The following ZNF804B variants were observed in gnomAD, a reference collection of about 807,000 sequenced individuals.
ZNF804B encodes the protein zinc finger 804B.
ZNF804B carries 80 observed loss-of-function variants against 101.4 expected under a neutral mutation model. The observed-to-expected ratio is 0.79, with a 90% confidence interval of 0.66 to 0.95. The LOEUF is 0.95. Among genes scored for constraint, ZNF804B ranks in the 40% least tolerant of loss-of-function variants. The probability of loss-of-function intolerance (pLI) is 0.00; values close to 1 mark genes in which losing one functional copy is unlikely to be tolerated. For synonymous variants in ZNF804B, 622 were observed against 558.8 expected (o/e 1.11, Z -1.59); for missense variants, 1,673 against 1,561.9 (o/e 1.07, Z -1.20).
At chr7:89,019,948 G>A (rs1788637876) in intron 1 of ZNF804B, among the ~76,000 whole-genome samples, 2 of 149,802 alleles carry the variant, frequency 1.3e-5, no homozygotes, top group Admixed American at 1.3e-4. Context: ...TTATACCCAA[G>A]GATATTATTA....
intron 2 of ZNF804B, among the ~76,000 whole-genome samples, chr7:89,302,658 C>G (rs901703721): frequency 6.6e-6 from 1 of 151,922 alleles, no homozygotes; most frequent in African/African-American, 2.4e-5. Flanking sequence ...TGCAATCTAG[C>G]TACACTTCCT....
chr7:89,240,403 GT>G (rs1554382831), intron 2 of ZNF804B, among the ~76,000 whole-genome samples: 17 of 151,300 alleles, frequency 1.1e-4, no homozygotes, highest in Middle Eastern at 3.5e-3. Context: ...TGAGGTGAAA[GT>G]TTTTTTTTCT....
intron 1 of ZNF804B, among the ~76,000 whole-genome samples, chr7:88,834,679 T>TA (rs2115791098): frequency 1.4e-5 from 2 of 143,512 alleles, no homozygotes; most frequent in East Asian, 2.2e-4. Context: ...ATATATATAT[T>TA]ATATCCCAAT....
At chr7:88,760,159 T>G in intron 1 of ZNF804B, 75 bp downstream of exon 1, 4 of 1,216,670 alleles carry the variant, frequency 3.3e-6, no homozygotes, top group Non-Finnish European at 4.9e-6. Flanking sequence ...TGAGAGATAG[T>G]ATCCTGATAC....
At chr7:89,273,497 T>C (rs1789930233) in intron 2 of ZNF804B, among the ~76,000 whole-genome samples, 1 of 152,132 alleles carries the variant, frequency 6.6e-6, no homozygotes, top group Non-Finnish European at 1.5e-5. Context: ...AATATTAAAA[T>C]TTTATTCAGT....
At chr7:89,160,074 TA>T (rs1791036292) in intron 1 of ZNF804B, among the ~76,000 whole-genome samples, 1 of 152,164 alleles carries the variant, frequency 6.6e-6, no homozygotes, top group African/African-American at 2.4e-5. Flanking sequence ...ACTTGAACAA[TA>T]GTAATTCCAA....
In ZNF804B at chr7:89,142,967, G is replaced by A. The variant is rs533348967; in HGVS notation, c.109-75188G>A. On this transcript the variant is annotated intron_variant, in intron 1 of 3. Transcript: ENST00000333190. ...ACTGTAATATACTCTCAGAGGGAGA[G>A]CAGACCTATTTCTGTGAAGTGAAAT... Among the ~76,000 whole-genome samples the A allele has an allele frequency of 3.9e-5, 6 of 152,078 alleles. No individual in the cohort carries two copies. In the South Asian group the frequency reaches 1.2e-3, roughly 31 times the overall value.
chr7:89,188,113 A>G (rs1259879701), intron 1 of ZNF804B, among the ~76,000 whole-genome samples: 1 of 151,844 alleles, frequency 6.6e-6, no homozygotes, highest in Non-Finnish European at 1.5e-5. Context: ...GCAATGCCGC[A>G]TCAAACAAGT....
At chr7:89,101,384 T>A (rs1474792460) in intron 1 of ZNF804B, among the ~76,000 whole-genome samples, 1 of 152,000 alleles carries the variant, frequency 6.6e-6, no homozygotes, top group South Asian at 2.1e-4. Context: ...ACTCTCAAAG[T>A]GATATTCTCT....
Position 89,049,989 on chromosome 7 carries a change from A to G in ZNF804B, c.109-168166A>G, listed in dbSNP as rs568915381. Among the ~76,000 whole-genome samples, 19 of 152,258 alleles carry G rather than the reference A, an allele frequency of 1.2e-4. No homozygotes were observed. In the East Asian group the frequency reaches 1.6e-3, roughly 12 times the overall value. ...ATCATGCCACTGCACTCCAGACTGG[A>G]TGGCAGAGTAAAACTCTGTCTCAAA... On this transcript the variant is annotated intron_variant, in intron 1 of 3. Transcript: ENST00000333190.
intron 1 of ZNF804B, among the ~76,000 whole-genome samples, chr7:88,774,022 A>T (rs558379521): frequency 1.3e-5 from 2 of 152,188 alleles, no homozygotes; most frequent in South Asian, 4.2e-4. Context: ...TAAAACAGAA[A>T]AAAGAAAAAA....
At chr7:88,888,341 G>A (rs1366632699) in intron 1 of ZNF804B, among the ~76,000 whole-genome samples, 4 of 152,090 alleles carry the variant, frequency 2.6e-5, no homozygotes, top group Admixed American at 2.0e-4. Flanking sequence ...GCAGTGAGCC[G>A]AGACCATGGC....
intron 1 of ZNF804B, among the ~76,000 whole-genome samples, chr7:88,791,076 A>T (rs1184729020): frequency 6.6e-6 from 1 of 152,140 alleles, no homozygotes; most frequent in Non-Finnish European, 1.5e-5. Flanking sequence ...GAGAGTGAGT[A>T]TAAATTAAAA....
chr7:89,171,313 C>A (rs1235488408), intron 1 of ZNF804B, among the ~76,000 whole-genome samples: 3 of 118,752 alleles, frequency 2.5e-5, no homozygotes, highest in Non-Finnish European at 5.5e-5. Flanking sequence ...TCTTCTTCTT[C>A]TTCTTCTTCT....
intron 1 of ZNF804B, among the ~76,000 whole-genome samples, chr7:89,165,555 G>A (rs964817350): frequency 7.9e-5 from 12 of 152,040 alleles, no homozygotes; most frequent in Non-Finnish European, 1.8e-4. Flanking sequence ...CCTTAAGATA[G>A]GAGTTTTAGC....
intron 2 of ZNF804B, among the ~76,000 whole-genome samples, chr7:89,232,300 CT>C (rs1218780273): frequency 6.6e-6 from 1 of 152,076 alleles, no homozygotes; most frequent in East Asian, 1.9e-4. Context: ...TGGATAACAT[CT>C]TTTTTATAAT....
intron 2 of ZNF804B, among the ~76,000 whole-genome samples, chr7:89,238,613 C>A (rs1789318507): frequency 6.6e-6 from 1 of 152,324 alleles, no homozygotes; most frequent in African/African-American, 2.4e-5. Context: ...CCAAAAACCA[C>A]TCAACTAGAG....
chr7:89,105,165 C>T (rs1459456627), intron 1 of ZNF804B, among the ~76,000 whole-genome samples: 2 of 152,006 alleles, frequency 1.3e-5, no homozygotes, highest in African/African-American at 4.8e-5. Flanking sequence ...ATAATTCTGC[C>T]CTTCAGGGGT....
At chr7:89,135,037 C>T (rs748975464) in intron 1 of ZNF804B, among the ~76,000 whole-genome samples, 29 of 152,030 alleles carry the variant, frequency 1.9e-4, no homozygotes, top group Non-Finnish European at 3.5e-4. Flanking sequence ...AATCGTTCTA[C>T]ATAGGCACTA....
Sources: gnomAD v4.1 joint callset for allele counts (sites outside exome capture counted in the v4.1 genomes callset) on GRCh38, gnomAD v4.1.1 for gene constraint, MANE v1.5 for transcripts, NCBI Gene and HGNC (gene_info 2026-07-23, HGNC 2026-07-21) for gene names.